Variants in RBM26 observed in about 807,000 individuals in gnomAD.
RBM26 encodes the protein RNA-binding protein 26.
Under a neutral mutation model 123.6 loss-of-function variants are expected in RBM26, and 30 were observed. That is an observed-to-expected ratio of 0.24 (90% CI 0.18 to 0.33). The LOEUF is 0.33. Ranked by LOEUF, RBM26 falls within the 10% of genes least tolerant of loss-of-function variation. RBM26 has a pLI of 1.00. For synonymous variants in RBM26, 400 were observed against 404.4 expected, an observed-to-expected ratio of 0.99 and a Z score of 0.13; for missense variants, 947 against 1,203.6, an observed-to-expected ratio of 0.79 and a Z score of 3.15.
Position 79,344,723 on chromosome 13 carries a change from G to A in RBM26, c.2130C>T (p.Thr710=). 1 of 1,612,918 alleles carries A rather than the reference G, an allele frequency of 6.2e-7. No individual in the cohort carries two copies. The highest frequency in any genetic ancestry group is 8.5e-7 in the Non-Finnish European group (1 of 1,179,322). The change falls in exon 15 of 22, where the codon ACC becomes ACT. Residue 710 remains threonine (T), a synonymous_variant. Transcript: ENST00000438737. The part of the protein sequence containing the change: ...NPAALKAAQK[T]LLVSTSAVDN... ...CAACTGCAGAGGTGGAAACAAGTAA[G>A]GTTTTCTGTGCAGCCTTCAAAGCAG...
chr13:79,379,718 A>G (rs2076929811), intron 1 of RBM26, among the ~76,000 whole-genome samples: 1 of 152,082 alleles, frequency 6.6e-6, no homozygotes, highest in Non-Finnish European at 1.5e-5. Context: ...AAAAACTCAG[A>G]ATGAAGAGTC....
chr13:79,380,979 T>A (rs1481624042), intron 1 of RBM26, among the ~76,000 whole-genome samples: 1 of 152,136 alleles, frequency 6.6e-6, no homozygotes, highest in Non-Finnish European at 1.5e-5. Flanking sequence ...TAATTGTTTA[T>A]AACTAAGCTA....
At chr13:79,361,853 C>T (rs921830165) in intron 9 of RBM26, among the ~76,000 whole-genome samples, 2 of 152,030 alleles carry the variant, frequency 1.3e-5, no homozygotes, top group Non-Finnish European at 2.9e-5. Context: ...TTATCTACTG[C>T]CATGGCTTCA....
chr13:79,344,011 G>A (rs976722175), intron 16 of RBM26, among the ~76,000 whole-genome samples: 1 of 151,926 alleles, frequency 6.6e-6, no homozygotes, highest in African/African-American at 2.4e-5. Context: ...AAACTACTGT[G>A]CAGCAACACA....
At chr13:79,391,075 T>C (rs1298023057) in intron 1 of RBM26, among the ~76,000 whole-genome samples, 1 of 152,184 alleles carries the variant, frequency 6.6e-6, no homozygotes, top group African/African-American at 2.4e-5. Flanking sequence ...TAAGGCTATA[T>C]CCATACTTCA....
intron 1 of RBM26, among the ~76,000 whole-genome samples, chr13:79,397,784 A>G (rs926399369): frequency 3.5e-5 from 5 of 144,012 alleles, no homozygotes; most frequent in African/African-American, 1.2e-4. Flanking sequence ...CAGAATCTAT[A>G]AAATAGCTAC....
intron 14 of RBM26, among the ~76,000 whole-genome samples, chr13:79,347,105 A>ACTGT (rs2072459716): frequency 6.6e-6 from 1 of 152,238 alleles, no homozygotes; most frequent in South Asian, 2.1e-4. Flanking sequence ...GTAGTATCAG[A>ACTGT]CTAAGGAGTG....
chr13:79,402,317 A>G (rs1361599815), intron 1 of RBM26, among the ~76,000 whole-genome samples: 1 of 152,178 alleles, frequency 6.6e-6, no homozygotes, highest in Non-Finnish European at 1.5e-5. Flanking sequence ...TATGAAAAAG[A>G]CATTGAAAAT....
At chr13:79,344,912 T>TA in intron 14 of RBM26, 118 bp from the exon 15 acceptor site, 1 of 866,480 alleles carries the variant, frequency 1.2e-6, no homozygotes. Context: ...CACACTGAAC[T>TA]AAATGTATTT....
downstream of RBM26, among the ~76,000 whole-genome samples, chr13:79,315,920 G>T (rs370880686): frequency 6.6e-6 from 1 of 151,640 alleles, no homozygotes; most frequent in East Asian, 1.9e-4. Flanking sequence ...TTCCCTAAAG[G>T]CCTGTATACA....
Position 79,366,622 on chromosome 13 carries a change from G to T in RBM26, c.1135+11C>A. ...CTAGATAAATACAGGGAAACAAACA[G>T]ATTTACTTACCTGTAACAGGTGGGA... is the stretch of plus-strand genomic sequence containing the variant. On this transcript the variant is annotated intron_variant, in intron 7 of 21. Transcript: ENST00000438737. 2 of 1,519,822 alleles carry T rather than the reference G, an allele frequency of 1.3e-6. No homozygotes were observed. Among genetic ancestry groups the T allele is most frequent in the Non-Finnish European group, 1.8e-6 (2 of 1,134,056 alleles). 94.1% of individuals were successfully genotyped at this position (1,519,822 alleles called of 1,614,324 possible).
chr13:79,353,796 C>G (rs951925352), intron 13 of RBM26, among the ~76,000 whole-genome samples: 1 of 152,114 alleles, frequency 6.6e-6, no homozygotes, highest in Non-Finnish European at 1.5e-5. Context: ...CTATTTTACA[C>G]AGCAAATGCT....
At chr13:79,357,166 G>A (rs918617473) in intron 11 of RBM26, among the ~76,000 whole-genome samples, 12 of 152,044 alleles carry the variant, frequency 7.9e-5, no homozygotes, top group Non-Finnish European at 1.0e-4. Flanking sequence ...ACAGTTGAAA[G>A]GGAACCATTT....
chr13:79,400,262 T>G (rs762987417), intron 1 of RBM26, among the ~76,000 whole-genome samples: 3 of 152,228 alleles, frequency 2.0e-5, no homozygotes, highest in Non-Finnish European at 4.4e-5. Flanking sequence ...ATGGGTAATT[T>G]ATAAAGAAAT....
rs1056146909 is a variant in RBM26 at position 79,340,997 on chromosome 13, A to G, written c.2532+126T>C. On this transcript the variant is annotated intron_variant, in intron 18 of 21. Transcript: ENST00000438737. ...CCCTCTTTCCTATATTAACATCTCA[A>G]TATGTATGCCAGGGATTACCAACAA... The G allele has an allele frequency of 7.5e-6, 4 of 535,982 alleles. No individual in the cohort carries two copies. In the African/African-American group the frequency reaches 7.9e-5, roughly 11 times the overall value. 33.2% of individuals were successfully genotyped at this position (535,982 alleles called of 1,614,324 possible).
chr13:79,316,990 T>TAAA (rs200304387), downstream of RBM26, among the ~76,000 whole-genome samples: 17 of 151,010 alleles, frequency 1.1e-4, no homozygotes, highest in East Asian at 2.1e-3. Flanking sequence ...GTTTTTTTTT[T>TAAA]AAAAAAGAGT....
At chr13:79,400,769 A>T (rs1226101512) in intron 1 of RBM26, among the ~76,000 whole-genome samples, 1 of 152,214 alleles carries the variant, frequency 6.6e-6, no homozygotes, top group Non-Finnish European at 1.5e-5. Context: ...CGCATAGGGC[A>T]AAAAATATAA....
Position 79,368,777 on chromosome 13 carries a change from G to T in RBM26, c.848C>A (p.Ser283Tyr). ...EFHEDQVDHN[S>Y]YVRPPMPKKR... The stretch of plus-strand genomic sequence containing the variant: ...CTTTGGCATGGGTGGTCTTACGTAA[G>T]AGTTATGGTCCACTTGGTCTTCATG... The change falls in exon 6 of 22, where the codon TCT becomes TAT. Residue 283 changes from serine to tyrosine, a missense_variant. Ser to Tyr is a moderately radical substitution (Grantham distance 144, BLOSUM62 -2). Coordinates refer to ENST00000438737, the MANE Select transcript of RBM26 (RefSeq NM_001366735.2). 1 of 1,614,032 alleles carries T rather than the reference G, an allele frequency of 6.2e-7. No homozygotes were observed.
At chr13:79,344,055 T>C (rs908591376) in intron 16 of RBM26, among the ~76,000 whole-genome samples, 193 bp downstream of exon 16, 9 of 152,060 alleles carry the variant, frequency 5.9e-5, no homozygotes, top group Non-Finnish European at 1.3e-4. Context: ...TGTTGATAAC[T>C]ATAGTACCAG....
Sources: gnomAD v4.1 joint callset for allele counts (sites outside exome capture counted in the v4.1 genomes callset) on GRCh38, gnomAD v4.1.1 for gene constraint, MANE v1.5 for transcripts, NCBI Gene and HGNC (gene_info 2026-07-23, HGNC 2026-07-21) for gene names.